Variants in ITGA6 observed in about 807,000 individuals in gnomAD.
The protein encoded by ITGA6 is integrin alpha-6.
ITGA6 carries 63 observed loss-of-function variants against 133.6 expected under a neutral mutation model. The ratio of observed to expected loss-of-function variants is 0.47; its 90% CI spans 0.38 to 0.58. The LOEUF (loss-of-function observed/expected upper bound fraction) is 0.58. Among genes scored for constraint, ITGA6 ranks in the 20% least tolerant of loss-of-function variants. ITGA6 has a pLI of 0.00. For missense variants in ITGA6, 1,068 were observed against 1,309.4 expected, an observed-to-expected ratio of 0.82 and a Z score of 2.85; for synonymous variants, 434 against 482.0, an observed-to-expected ratio of 0.90 and a Z score of 1.30.
At chr2:172,497,502 CA>C (rs34616494) in intron 23 of ITGA6, among the ~76,000 whole-genome samples, 1,828 of 89,474 alleles carry the variant, frequency 0.02, 16 homozygotes, top group Middle Eastern at 0.076. Context: ...ACCCTGTCTC[CA>C]AAAAAAAAAA....
chr2:172,465,924 G>A (rs897876589), intron 2 of ITGA6: 2 of 557,610 alleles, frequency 3.6e-6, no homozygotes, highest in Non-Finnish European at 3.2e-6. Flanking sequence ...CTAGTGATGT[G>A]TTGAGGTTCT....
rs1273139724 is a variant in ITGA6, at chr2:172,504,166, C to T, written c.*98C>T. The stretch of plus-strand genomic sequence containing the variant: ...TGCTGTAAGGATCCGGAAAGAAGAG[C>T]GAGAGATCAAAGATGAAAAGTATAT... On this transcript the variant is annotated 3_prime_UTR_variant, in exon 26 of 26. Transcript: ENST00000684293. 1.9e-5 allele frequency: 30 copies of T among 1,592,586 alleles called. No individual in the cohort carries two copies. Among genetic ancestry groups the T allele is most frequent in the South Asian group, 6.8e-5 (6 of 87,734 alleles).
rs769808745 is a variant in ITGA6 at position 172,491,461 on chromosome 2, C to A, written c.2926C>A (p.Arg976=). Residue 976 remains arginine (R), a synonymous_variant, in exon 23 of 26, where the codon CGA becomes AGA. Coordinates refer to ENST00000684293, the MANE Select transcript of ITGA6 (RefSeq NM_000210.4). This position sits in a 1 kb window ranked among gnomAD's most constrained non-coding sequence, Gnocchi z 4.4. The part of the protein sequence containing the change: ...SKLNYLDILM[R]AFIDVTAAAE... ...ACTGAACTACTTGGACATTCTCATGCGAGCCTTCATTGATGTGACTGCTGC... is the reference window on the plus strand; with the variant it reads ...ACTGAACTACTTGGACATTCTCATGAGAGCCTTCATTGATGTGACTGCTGC... 4 of 1,613,672 alleles carry A rather than the reference C, an allele frequency of 2.5e-6. No individual in the cohort carries two copies. Among genetic ancestry groups the A allele is most frequent in the Middle Eastern group, 1.6e-4 (1 of 6,084 alleles).
rs1687499461 is a variant in ITGA6, at chr2:172,504,997, G to C, written c.*929G>C. 6.5e-6 allele frequency: 1 copy of C among 152,688 alleles called. No homozygotes were observed. Among genetic ancestry groups the C allele is most frequent in the African/African-American group, 2.4e-5 (1 of 41,556 alleles). The allele number at this position is 152,688 out of a possible 1,614,324, so 9.5% of individuals were successfully genotyped here. A position where few individuals can be genotyped will look rare whatever the true frequency, so the allele number is the denominator to read the frequency against. On this transcript the variant is annotated 3_prime_UTR_variant, in exon 26 of 26. Transcript: ENST00000684293. Reference sequence around the variant, plus strand: ...AGGTTGGTTTAATCAATCAGAATTAGAGCATGGGAGGTCATCACTTTGACC... The same window carrying C: ...AGGTTGGTTTAATCAATCAGAATTACAGCATGGGAGGTCATCACTTTGACC...
chr2:172,446,817 A>G (rs1440757679), intron 1 of ITGA6, among the ~76,000 whole-genome samples: 5 of 152,232 alleles, frequency 3.3e-5, no homozygotes, highest in Admixed American at 3.3e-4. Context: ...TGCAGTAGAC[A>G]GTGTTTTATT....
intron 1 of ITGA6, among the ~76,000 whole-genome samples, chr2:172,455,499 T>C (rs1470547689): frequency 6.6e-6 from 1 of 152,174 alleles, no homozygotes; most frequent in Non-Finnish European, 1.5e-5. Context: ...AGAGTGTGAA[T>C]TTCACATCCA....
Position 172,505,478 on chromosome 2 carries a change from T to C in ITGA6, c.*1410T>C, listed in dbSNP as rs1687521194. On this transcript the variant is annotated 3_prime_UTR_variant, in exon 26 of 26. Coordinates refer to ENST00000684293, the MANE Select transcript of ITGA6 (RefSeq NM_000210.4). Reference sequence around the variant, plus strand: ...GTATTCCCAAAAATTACTTTGGGGCTAATTTAACAAGAACTTTAAATTGTG... The same window carrying C: ...GTATTCCCAAAAATTACTTTGGGGCCAATTTAACAAGAACTTTAAATTGTG... The C allele has an allele frequency of 6.6e-6, 1 of 152,382 alleles. No individual in the cohort carries two copies. The highest frequency in any genetic ancestry group is 2.4e-5 in the African/African-American group (1 of 41,464). 9.4% of individuals were successfully genotyped at this position (152,382 alleles called of 1,614,324 possible). A position where few individuals can be genotyped will look rare whatever the true frequency, so the allele number is the denominator to read the frequency against.
At chr2:172,465,123 G>T in intron 1 of ITGA6, 1 of 265,444 alleles carries the variant, frequency 3.8e-6, no homozygotes, top group African/African-American at 2.2e-5. Context: ...ACATATTATT[G>T]CTTATTACAT....
chr2:172,467,978 C>A (rs7584971), intron 3 of ITGA6, among the ~76,000 whole-genome samples: 44,846 of 151,722 alleles, frequency 0.3, 9,198 homozygotes, highest in East Asian at 0.79. Flanking sequence ...GAAGTAATCA[C>A]GTAATCAAAG....
At chr2:172,436,080 G>A (rs78341162) in intron 1 of ITGA6, among the ~76,000 whole-genome samples, 23,312 of 152,088 alleles carry the variant, frequency 0.15, 2,411 homozygotes, top group East Asian at 0.52. Context: ...CCGACTTAAG[G>A]CGATACTTTG....
intron 1 of ITGA6, among the ~76,000 whole-genome samples, chr2:172,445,254 C>CTG (rs944857920): frequency 1.3e-4 from 19 of 151,624 alleles, no homozygotes; most frequent in African/African-American, 4.4e-4. Context: ...GCATGAGCCA[C>CTG]TGTGCCCGGC....
rs749426225 is a variant in ITGA6 at position 172,501,768 on chromosome 2, G to C, written c.3115-4G>C. On this transcript the variant is annotated splice_polypyrimidine_tract_variant and splice_region_variant and intron_variant, in intron 24 of 25. Coordinates refer to ENST00000684293, the MANE Select transcript of ITGA6 (RefSeq NM_000210.4). ...AATTGACTAAATACCTTGCTTCCTT[G>C]TAGTGTGGTTTCTTCAAGAGAAATA... 9 of 1,611,986 alleles carry C rather than the reference G, an allele frequency of 5.6e-6. No individual in the cohort carries two copies. The highest frequency in any genetic ancestry group is 3.3e-5 in the Admixed American group (2 of 60,012).
At chr2:172,483,360 A>G (rs889671490) in intron 11 of ITGA6, among the ~76,000 whole-genome samples, 12 of 152,214 alleles carry the variant, frequency 7.9e-5, no homozygotes, top group African/African-American at 2.2e-4. Context: ...TGTCCCTCTC[A>G]GTATGACCCC....
chr2:172,459,654 A>C (rs1398193704), intron 1 of ITGA6, among the ~76,000 whole-genome samples: 1 of 152,248 alleles, frequency 6.6e-6, no homozygotes, highest in Admixed American at 6.5e-5. Flanking sequence ...CAAGAGTGAG[A>C]GCAGCATAAA....
intron 9 of ITGA6, among the ~76,000 whole-genome samples, chr2:172,477,149 T>C (rs1395926062): frequency 6.6e-6 from 1 of 152,148 alleles, no homozygotes; most frequent in Non-Finnish European, 1.5e-5. Flanking sequence ...GAAAACATTC[T>C]TACTTTTGTT....
chr2:172,465,208 G>T (rs1685600194), intron 1 of ITGA6: 2 of 358,764 alleles, frequency 5.6e-6, no homozygotes, highest in Non-Finnish European at 1.0e-5. Context: ...GATATCCCTG[G>T]CATCATAGGG....
intron 1 of ITGA6, among the ~76,000 whole-genome samples, chr2:172,462,480 C>G (rs1422453146): frequency 6.6e-6 from 1 of 152,238 alleles, no homozygotes; most frequent in African/African-American, 2.4e-5. Context: ...CCTGCTGCCC[C>G]CATCCTGCCA....
At chr2:172,477,479 T>C (rs906499268) in intron 9 of ITGA6, among the ~76,000 whole-genome samples, 3 of 152,216 alleles carry the variant, frequency 2.0e-5, no homozygotes, top group Admixed American at 1.3e-4. Context: ...TTCTCTACTT[T>C]TAGGGTATCA....
chr2:172,493,976 G>A (rs1454087349), intron 23 of ITGA6, among the ~76,000 whole-genome samples: 1 of 152,186 alleles, frequency 6.6e-6, no homozygotes, highest in Non-Finnish European at 1.5e-5. Flanking sequence ...TGGTAGATTT[G>A]TGAATGGGTT....
Sources: allele counts gnomAD v4.1 joint callset (sites outside exome capture counted in the v4.1 genomes callset), GRCh38; gene constraint gnomAD v4.1.1; non-coding constraint Gnocchi (gnomAD v3.1); transcripts MANE v1.5; gene names NCBI Gene and HGNC (gene_info 2026-07-23, HGNC 2026-07-21).